Variants in SYMPK observed in about 807,000 individuals in gnomAD.
SYMPK encodes symplekin scaffold protein.
A neutral mutation model predicts 136.4 loss-of-function variants in SYMPK; 49 were observed. The ratio of observed to expected loss-of-function variants is 0.36; its 90% CI spans 0.29 to 0.46. The LOEUF is 0.46. SYMPK is among the 20% of genes least tolerant of loss of function. SYMPK has a pLI of 1.00. For synonymous variants in SYMPK, 766 were observed against 713.0 expected, an observed-to-expected ratio of 1.07 and a Z score of -1.19; for missense variants, 1,365 against 1,690.0, an observed-to-expected ratio of 0.81 and a Z score of 3.37.
intron 5 of SYMPK, 55 bp downstream of exon 5, chr19:45,852,257 G>A (rs1971711549): frequency 1.9e-6 from 3 of 1,598,180 alleles, no homozygotes; most frequent in Non-Finnish European, 2.6e-6. Flanking sequence ...CAGGCCACGA[G>A]CTGAAGGCTG....
intron 1 of SYMPK, chr19:45,855,669 G>C (rs964583224): frequency 6.6e-6 from 1 of 151,900 alleles, no homozygotes; most frequent in Admixed American, 6.6e-5. Flanking sequence ...GCTGAAGACA[G>C]TGTTGACTGT....
At chr19:45,847,355 C>T (rs550716895) in intron 7 of SYMPK, among the ~76,000 whole-genome samples, 22 of 150,914 alleles carry the variant, frequency 1.5e-4, no homozygotes, top group African/African-American at 4.4e-4. Context: ...ACCCGGAAGG[C>T]GGAGGTTGCA....
At chr19:45,840,087 T>G (rs796335737) in intron 9 of SYMPK, among the ~76,000 whole-genome samples, 2,540 of 151,440 alleles carry the variant, frequency 0.017, 73 homozygotes, top group African/African-American at 0.058. Flanking sequence ...CTGAGGCGGG[T>G]GGATTACCTG....
chr19:45,817,025 C>A, intron 23 of SYMPK, 51 bp from the exon 24 acceptor site: 2 of 1,517,402 alleles, frequency 1.3e-6, no homozygotes, highest in South Asian at 2.5e-5. Flanking sequence ...GGCATCCCCC[C>A]GAGCCTTGAC....
intron 26 of SYMPK, 42 bp downstream of exon 26, chr19:45,815,809 A>T (rs1201273616): frequency 6.3e-7 from 1 of 1,596,306 alleles, no homozygotes; most frequent in South Asian, 1.1e-5. Flanking sequence ...ACCCCGGCCC[A>T]GATCCGGCTT....
At chr19:45,838,332 A>T in intron 10 of SYMPK, 129 bp downstream of exon 10, 1 of 1,175,838 alleles carries the variant, frequency 8.5e-7, no homozygotes. Context: ...TAAGCCAATT[A>T]AACCCCTTTT....
intron 6 of SYMPK, 113 bp downstream of exon 6, chr19:45,848,637 G>A: frequency 7.0e-7 from 1 of 1,424,710 alleles, no homozygotes; most frequent in Non-Finnish European, 9.7e-7. Context: ...CAGACCAGTG[G>A]CACATCTTGC....
At chr19:45,849,925 A>G (rs1013142984) in intron 5 of SYMPK, among the ~76,000 whole-genome samples, 1 of 151,978 alleles carries the variant, frequency 6.6e-6, no homozygotes, top group Non-Finnish European at 1.5e-5. Flanking sequence ...GGCACCTGTA[A>G]CTCCAGCTAC....
chr19:45,825,042 G>A (rs1971006821), intron 18 of SYMPK, 129 bp downstream of exon 18: 1 of 1,162,040 alleles, frequency 8.6e-7, no homozygotes, highest in Non-Finnish European at 1.2e-6. Context: ...TACACAGCCT[G>A]GGTCGGCCCG....
intron 12 of SYMPK, chr19:45,831,178 T>C (rs1971161918): frequency 5.1e-6 from 2 of 393,858 alleles, no homozygotes; most frequent in African/African-American, 4.1e-5. Flanking sequence ...GATTTTTTTT[T>C]TTTTTTTTTA....
chr19:45,852,292 C>A lies in SYMPK; in HGVS notation c.299+20G>T, dbSNP rs1177545764. On this transcript the variant is annotated intron_variant, in intron 5 of 26. Transcript: ENST00000245934. ...GCCACCAGTGAGAATGCTCCCGGGGCTCCGTGCCTCGCCCCATACCATGCC... is the reference window on the plus strand; with the variant it reads ...GCCACCAGTGAGAATGCTCCCGGGGATCCGTGCCTCGCCCCATACCATGCC... 1 of 1,614,036 alleles carries A rather than the reference C, an allele frequency of 6.2e-7. No homozygotes were observed. The highest frequency in any genetic ancestry group is 2.2e-5 in the East Asian group (1 of 44,900).
At chr19:45,822,932 TG>T in intron 20 of SYMPK, 86 bp from the exon 21 acceptor site, 1 of 1,109,976 alleles carries the variant, frequency 9.0e-7, no homozygotes. Flanking sequence ...CTGCTCGCCC[TG>T]GGGAGCTGAG....
chr19:45,830,372 G>C (rs967999488), intron 12 of SYMPK, 168 bp from the exon 13 acceptor site: 20 of 762,728 alleles, frequency 2.6e-5, no homozygotes, highest in Middle Eastern at 2.6e-4. Flanking sequence ...CGGTGGGTAA[G>C]AGGAAGGAAG....
At chr19:45,847,378 T>G (rs1971587807) in intron 7 of SYMPK, among the ~76,000 whole-genome samples, 1 of 151,330 alleles carries the variant, frequency 6.6e-6, no homozygotes, top group Admixed American at 6.6e-5. Context: ...GAGCTGAGAT[T>G]GTGCCATTGC....
At position 45,847,799 on chromosome 19, in the gene SYMPK, T is replaced by C. The variant is rs756005642; in HGVS notation, c.629A>G (p.Asp210Gly). The C allele has an allele frequency of 4.3e-6, 7 of 1,614,100 alleles. No homozygotes were observed. The South Asian group carries it at 6.6e-5, about 15-fold the overall frequency. Residue 210 changes from aspartate (D) to glycine (G), a missense_variant, in exon 7 of 27, where the codon GAT becomes GGT. Around this residue, in one of 11 missense-constraint regions of SYMPK, gnomAD observed 237 missense variants for 292.9 expected, o/e 0.81. Transcript: ENST00000245934. ...ACGAGGGATGCGGTCCAGGCTGATA[T>C]CATGCTCCTGGCGTCGGGGTATCTC... Reference protein sequence around the residue: ...DSEIPRRQEHDISLDRIPRDH... With the variant: ...DSEIPRRQEHGISLDRIPRDH...
rs763623135 is a variant in SYMPK, at chr19:45,835,048, TGGCCCAGGTTA to T, written c.1393+19_1393+29del. The T allele has an allele frequency of 2.7e-6, 4 of 1,494,228 alleles. No homozygotes were observed. Among genetic ancestry groups the T allele is most frequent in the Non-Finnish European group, 3.6e-6 (4 of 1,116,696 alleles). 92.6% of individuals were successfully genotyped at this position (1,494,228 alleles called of 1,614,324 possible). A position where few individuals can be genotyped will look rare whatever the true frequency, so the allele number is the denominator to read the frequency against. On this transcript the variant is annotated intron_variant, in intron 11 of 26. Transcript: ENST00000245934. Reference sequence around the variant, plus strand: ...CCCAGAAGCCACAAGTGCCAATCCCTGGCCCAGGTTAGGGCCAGGACACACTCACCTGGTCC... The same window carrying T: ...CCCAGAAGCCACAAGTGCCAATCCCTGGGCCAGGACACACTCACCTGGTCC...
Position 45,831,455 on chromosome 19 carries a change from C to A in SYMPK, c.1527G>T (p.Met509Ile), listed in dbSNP as rs369607465. Residue 509 changes from methionine (M) to isoleucine (I), a missense_variant, in exon 12 of 27, where the codon ATG becomes ATT. Physicochemically the swap from Met to Ile is conservative, Grantham distance 10. Transcript: ENST00000245934. ...GCGGTGCCTCTTCCTCCAGGGGGGA[C>A]ATGGAGCTCAGGGAACCCACCACCG... ...AISVVGSLSS[M>I]SPLEEEAPQA... 94 of 1,608,478 alleles carry A rather than the reference C, an allele frequency of 5.8e-5. No homozygotes were observed. Among genetic ancestry groups the A allele is most frequent in the Non-Finnish European group, 7.6e-5 (89 of 1,177,838 alleles).
chr19:45,848,837 G>T lies in SYMPK; in HGVS notation c.339C>A (p.Asn113Lys), dbSNP rs1376578954. The T allele has an allele frequency of 6.2e-7, 1 of 1,614,084 alleles. No individual in the cohort carries two copies. Residue 113 changes from asparagine to lysine, a missense_variant, in exon 6 of 27, where the codon AAC becomes AAA. Physicochemically the swap from Asn to Lys is moderately conservative, Grantham distance 94. This residue lies in a region of SYMPK where 237 missense variants were observed against 292.9 expected (regional missense o/e 0.81). Transcript: ENST00000245934. ...TCTCGTCCCTCAAGAGCATGTTGAG[G>T]TTTGCAATGAGTTTCAGCAGCAACT... ...DIELLLKLIANLNMLLRDENV... is the reference protein window; with the variant it reads ...DIELLLKLIAKLNMLLRDENV...
chr19:45,854,044 G>A, intron 3 of SYMPK, 131 bp downstream of exon 3: 3 of 843,832 alleles, frequency 3.6e-6, no homozygotes, highest in East Asian at 2.4e-5. Flanking sequence ...GCAGAGGCCT[G>A]CACTGAGCAC....
Sources: allele counts gnomAD v4.1 joint callset (sites outside exome capture counted in the v4.1 genomes callset), GRCh38; gene constraint gnomAD v4.1.1; regional missense constraint gnomAD v4.1.1; transcripts MANE v1.5; gene names NCBI Gene and HGNC (gene_info 2026-07-23, HGNC 2026-07-21).